PTPRN2: variants seen among roughly 807,000 people sequenced by gnomAD.
The protein encoded by PTPRN2 is receptor-type tyrosine-protein phosphatase N2.
PTPRN2 carries 74 observed loss-of-function variants against 118.8 expected under a neutral mutation model. The ratio of observed to expected loss-of-function variants is 0.62; its 90% CI spans 0.52 to 0.76. PTPRN2 has a LOEUF of 0.76. PTPRN2 is among the 30% of genes least tolerant of loss of function. The pLI is 0.00. For synonymous variants in PTPRN2, 641 were observed against 608.0 expected, an observed-to-expected ratio of 1.05 and a Z score of -0.80; for missense variants, 1,481 against 1,394.4, an observed-to-expected ratio of 1.06 and a Z score of -0.99.
At chr7:158,008,721 C>T (rs2128867045) in intron 11 of PTPRN2, among the ~76,000 whole-genome samples, 1 of 152,348 alleles carries the variant, frequency 6.6e-6, no homozygotes, top group South Asian at 2.1e-4. Context: ...GCGCTTGGCG[C>T]ATGCGGGCCT....
At position 157,656,143 on chromosome 7, in the gene PTPRN2, C is replaced by T. The variant is rs116999576; in HGVS notation, c.2196+214G>A. Among the ~76,000 whole-genome samples the T allele has an allele frequency of 2.4e-3, 273 of 116,052 alleles. 7 individuals carry two copies. The East Asian group carries it at 0.029, about 12-fold the overall frequency. The allele number at this position is 116,052 out of a possible 152,430, so 76.1% of individuals were successfully genotyped here. ...GGGCTGCACGTTCCAGGCAGAAGCA[C>T]GGCAAAGATCTCAGGAAGTAAATAT... On this transcript the variant is annotated intron_variant, in intron 14 of 22. Transcript: ENST00000389418.
At chr7:158,071,094 T>A in intron 11 of PTPRN2, among the ~76,000 whole-genome samples, 1 of 93,556 alleles carries the variant, frequency 1.1e-5, no homozygotes, top group African/African-American at 4.9e-5. Flanking sequence ...CCCGTGGTGG[T>A]GGAGGTGCTC....
At chr7:157,867,368 C>T (rs530410674) in intron 12 of PTPRN2, among the ~76,000 whole-genome samples, 4 of 132,146 alleles carry the variant, frequency 3.0e-5, no homozygotes, top group African/African-American at 1.2e-4. Flanking sequence ...CCGCCCCTGA[C>T]GCCCTGGATA....
At chr7:157,802,410 G>T (rs1318465329) in intron 12 of PTPRN2, among the ~76,000 whole-genome samples, 1 of 152,198 alleles carries the variant, frequency 6.6e-6, no homozygotes, top group Admixed American at 6.5e-5. Context: ...CAGATGGCAG[G>T]TTGTCCGTCT....
intron 3 of PTPRN2, among the ~76,000 whole-genome samples, chr7:158,249,260 C>T (rs370995174): frequency 2.4e-4 from 36 of 151,912 alleles, no homozygotes; most frequent in African/African-American, 6.5e-4. Context: ...TGCATGCACA[C>T]GCATCACACA....
At chr7:157,572,878 T>C (rs1207099301) in intron 19 of PTPRN2, among the ~76,000 whole-genome samples, 1 of 152,250 alleles carries the variant, frequency 6.6e-6, no homozygotes, top group Non-Finnish European at 1.5e-5. Flanking sequence ...CAGGGCCGTG[T>C]CACCGTTTCT....
intron 11 of PTPRN2, among the ~76,000 whole-genome samples, chr7:158,069,258 G>T (rs78458931): frequency 3.3e-5 from 5 of 152,158 alleles, no homozygotes; most frequent in Admixed American, 3.3e-4. Flanking sequence ...GCATGGTTGT[G>T]ACCATGGTTG....
rs186918804 is a variant in PTPRN2 at position 158,329,052 on chromosome 7, G to A, written c.164-12120C>T. Among the ~76,000 whole-genome samples the A allele has an allele frequency of 2.0e-3, 301 of 152,056 alleles. 2 individuals are homozygous for A. The highest frequency in any genetic ancestry group is 7.1e-3 in the African/African-American group (296 of 41,478). On this transcript the variant is annotated intron_variant, in intron 2 of 22. Transcript: ENST00000389418. ...TATGAGTGGGGCCTCCATTCCTCCC[G>A]CCACCCAGGGATCCCAGTGAGGCCT...
intron 3 of PTPRN2, among the ~76,000 whole-genome samples, chr7:158,260,695 C>T (rs944468322): frequency 2.0e-5 from 3 of 152,202 alleles, no homozygotes; most frequent in African/African-American, 7.2e-5. Context: ...GCCACTAGCG[C>T]TCCGTGGGGC....
At position 157,950,965 on chromosome 7, in the gene PTPRN2, G is replaced by C. The variant is rs74513702; in HGVS notation, c.1724-52228C>G. On this transcript the variant is annotated intron_variant, in intron 11 of 22. Coordinates refer to ENST00000389418, the MANE Select transcript of PTPRN2 (RefSeq NM_002847.5). ...ATAAAAATTAAAGAAGGTTTCCATTGAGTTTGCTAGTTCTTCACTAGCAAT... is the reference window on the plus strand; with the variant it reads ...ATAAAAATTAAAGAAGGTTTCCATTCAGTTTGCTAGTTCTTCACTAGCAAT... 6.3e-3 allele frequency among the ~76,000 whole-genome samples: 952 copies of C among 152,274 alleles called. 29 individuals are homozygous for C. Among genetic ancestry groups the C allele is most frequent in the East Asian group, 0.062 (322 of 5,176 alleles).
intron 2 of PTPRN2, 43 bp from the exon 3 acceptor site, chr7:158,316,975 T>C: frequency 6.8e-7 from 1 of 1,470,302 alleles, no homozygotes; most frequent in Non-Finnish European, 9.3e-7. Context: ...GACGTTTCAT[T>C]TTCAGAGAGC....
Position 157,702,516 on chromosome 7 carries a change from G to A in PTPRN2, c.1789-19579C>T, listed in dbSNP as rs536514444. Among the ~76,000 whole-genome samples, 15 of 152,322 alleles carry A rather than the reference G, an allele frequency of 9.8e-5. No homozygotes were observed. The East Asian group carries it at 1.7e-3, about 18-fold the overall frequency. On this transcript the variant is annotated intron_variant, in intron 12 of 22. Coordinates refer to ENST00000389418, the MANE Select transcript of PTPRN2 (RefSeq NM_002847.5). ...GGGGAGCACAGGGCTGCCTGCCCAC[G>A]CTCACTGGCTGGCTCAGTGCCCTCC... is the stretch of plus-strand genomic sequence containing the variant.
At chr7:158,056,672 G>A (rs143456634) in intron 11 of PTPRN2, among the ~76,000 whole-genome samples, 32 of 152,270 alleles carry the variant, frequency 2.1e-4, no homozygotes, top group East Asian at 3.9e-4. Context: ...CTTCTCCAGC[G>A]TCCAGTGAGG....
In PTPRN2 at chr7:157,766,542, A is replaced by C. The variant is rs879062291; in HGVS notation, c.1789-83605T>G. Among the ~76,000 whole-genome samples the C allele has an allele frequency of 2.0e-5, 3 of 152,234 alleles. No homozygotes were observed. The South Asian group carries it at 6.2e-4, about 32-fold the overall frequency. ...CTTTCACTGAAGAGACACGGGAGGA[A>C]TCAGAAAAAGCTATTCTCAGAGCTT... is the stretch of plus-strand genomic sequence containing the variant. On this transcript the variant is annotated intron_variant, in intron 12 of 22. Transcript: ENST00000389418.
At chr7:158,333,342 G>A (rs1232330240) in intron 2 of PTPRN2, among the ~76,000 whole-genome samples, 1 of 125,396 alleles carries the variant, frequency 8.0e-6, no homozygotes, top group Non-Finnish European at 1.7e-5. Context: ...ACCATAAGAG[G>A]TGACACCTGC....
At chr7:158,466,482 T>A (rs1001945658) in intron 2 of PTPRN2, among the ~76,000 whole-genome samples, 1 of 152,236 alleles carries the variant, frequency 6.6e-6, no homozygotes. Flanking sequence ...TCCTCCAGGT[T>A]CATCCATGTT....
rs4716868 is a variant in PTPRN2, at chr7:157,990,647, T to C, written c.1723+90651A>G. Among the ~76,000 whole-genome samples the C allele has an allele frequency of 0.85, 128,643 of 152,162 alleles. 54,581 individuals are homozygous for C. Among genetic ancestry groups the C allele is most frequent in the African/African-American group, 0.91 (37,707 of 41,544 alleles). On this transcript the variant is annotated intron_variant, in intron 11 of 22. Transcript: ENST00000389418. This position sits in a 1 kb window ranked among gnomAD's most constrained non-coding sequence, Gnocchi z 4.3. ...TCAGGGCGGTGCTGACAGTAGGACA[T>C]GCTGGTCCCCTTCCCAGTGAAGTCC...
At chr7:158,278,083 C>T (rs1437523529) in intron 3 of PTPRN2, among the ~76,000 whole-genome samples, 2 of 152,200 alleles carry the variant, frequency 1.3e-5, no homozygotes, top group Non-Finnish European at 2.9e-5. Flanking sequence ...CCAAGTATGG[C>T]TCCTATGAGA....
At chr7:158,226,135 A>C (rs1828755376) in intron 3 of PTPRN2, among the ~76,000 whole-genome samples, 1 of 152,230 alleles carries the variant, frequency 6.6e-6, no homozygotes, top group South Asian at 2.1e-4. Flanking sequence ...CACTATTCTA[A>C]GTCCTTCCTA....
Sources: allele counts gnomAD v4.1 joint callset (sites outside exome capture counted in the v4.1 genomes callset), GRCh38; gene constraint gnomAD v4.1.1; non-coding constraint Gnocchi (gnomAD v3.1); transcripts MANE v1.5; gene names NCBI Gene and HGNC (gene_info 2026-07-23, HGNC 2026-07-21).